The following IL2RA variants were observed in gnomAD, a reference collection of about 807,000 sequenced individuals.
IL2RA encodes the protein interleukin-2 receptor subunit alpha.
Under a neutral mutation model 37.8 loss-of-function variants are expected in IL2RA, and 24 were observed. That is an observed-to-expected ratio of 0.63 (90% confidence interval 0.46 to 0.89). The LOEUF is 0.89. Ranked by LOEUF, IL2RA falls within the 40% of genes least tolerant of loss-of-function variation. The pLI, the probability that IL2RA is intolerant of heterozygous loss-of-function variation, is 0.00. For missense variants in IL2RA, 319 were observed against 348.6 expected (o/e 0.92, Z 0.68); for synonymous variants, 125 against 114.6 (o/e 1.09, Z -0.58).
rs1015336266 is a variant in IL2RA at position 6,056,032 on chromosome 10, C to G, written c.64+6056G>C. On this transcript the variant is annotated intron_variant, in intron 1 of 7. Transcript: ENST00000379959. This position sits in a 1 kb window ranked among gnomAD's most constrained non-coding sequence, Gnocchi z 5.0. ...TTTTGACAGAAGCAAACCACGGAGT[C>G]GCCTTGAGATCAGTCAAAACACTGA... is the stretch of plus-strand genomic sequence containing the variant. Among the ~76,000 whole-genome samples, 2 of 152,194 alleles carry G rather than the reference C, an allele frequency of 1.3e-5. No individual in the cohort carries two copies. Among genetic ancestry groups the G allele is most frequent in the African/African-American group, 4.8e-5 (2 of 41,422 alleles).
intron 1 of IL2RA, among the ~76,000 whole-genome samples, chr10:6,026,455 G>A (rs1015063815): frequency 1.3e-5 from 2 of 152,178 alleles, no homozygotes; most frequent in African/African-American, 2.4e-5. Flanking sequence ...ATTAATGACT[G>A]TGCGCCATTT....
chr10:6,024,152 G>A (rs1484444683), intron 3 of IL2RA, 92 bp downstream of exon 3: 20 of 837,122 alleles, frequency 2.4e-5, no homozygotes, highest in Admixed American at 1.9e-5. Context: ...ATAGAAGGCA[G>A]GGCAGACCTT....
chr10:6,029,998 C>G lies in IL2RA; in HGVS notation c.65-3973G>C, dbSNP rs1266405474. ...GGGATTACAGGTGTGAGCCACCGTG[C>G]CCAGCCAATATTTTTAAACATAAAA... On this transcript the variant is annotated intron_variant, in intron 1 of 7. Transcript: ENST00000379959. This position sits in a 1 kb window ranked among gnomAD's most constrained non-coding sequence, Gnocchi z 4.6. 6.6e-6 allele frequency among the ~76,000 whole-genome samples: 1 copy of G among 152,178 alleles called. No individual in the cohort carries two copies. Among genetic ancestry groups the G allele is most frequent in the Non-Finnish European group, 1.5e-5 (1 of 68,042 alleles).
In IL2RA at chr10:6,035,359, G is replaced by A. The variant is rs146807560; in HGVS notation, c.65-9334C>T. Reference sequence around the variant, plus strand: ...AGTAGGCTCTGAGTGGGTGACTGGCGCCAGGCCAAGTTCTAGGTGGGCTTC... The same window carrying A: ...AGTAGGCTCTGAGTGGGTGACTGGCACCAGGCCAAGTTCTAGGTGGGCTTC... On this transcript the variant is annotated intron_variant, in intron 1 of 7. Coordinates refer to ENST00000379959, the MANE Select transcript of IL2RA (RefSeq NM_000417.3). This position sits in a 1 kb window ranked among gnomAD's most constrained non-coding sequence, Gnocchi z 5.4. Among the ~76,000 whole-genome samples, 120 of 152,290 alleles carry A rather than the reference G, an allele frequency of 7.9e-4. No homozygotes were observed. The highest frequency in any genetic ancestry group is 2.5e-3 in the African/African-American group (104 of 41,576).
At chr10:6,017,965 A>C in intron 7 of IL2RA, 88 bp downstream of exon 7, 1 of 955,910 alleles carries the variant, frequency 1.0e-6, no homozygotes, top group Non-Finnish European at 1.7e-6. Context: ...GATTAGAGAG[A>C]GCATGGAGGG....
chr10:6,051,960 C>A (rs377340011), intron 1 of IL2RA, among the ~76,000 whole-genome samples: 2 of 150,684 alleles, frequency 1.3e-5, no homozygotes, highest in South Asian at 4.2e-4. Flanking sequence ...GATTGGAGAA[C>A]GGTTCACATG....
chr10:6,030,328 G>C (rs1449217272), intron 1 of IL2RA, among the ~76,000 whole-genome samples: 2 of 152,112 alleles, frequency 1.3e-5, no homozygotes, highest in Non-Finnish European at 2.9e-5. Flanking sequence ...ATAAAGAAAA[G>C]CCCATCTATA....
chr10:6,016,527 A>AC (rs58929841), intron 7 of IL2RA, among the ~76,000 whole-genome samples: 128,226 of 152,006 alleles, frequency 0.84, 54,212 homozygotes, highest in Middle Eastern at 0.92. Flanking sequence ...TCTTGGGCTC[A>AC]CCCCAGACAT....
At chr10:6,023,245 T>A (rs962454362) in intron 3 of IL2RA, among the ~76,000 whole-genome samples, 4 of 152,200 alleles carry the variant, frequency 2.6e-5, no homozygotes, top group Non-Finnish European at 5.9e-5. Flanking sequence ...GGTTGTAAAA[T>A]CAGCAAAGGG....
At chr10:6,042,987 T>A (rs946702927) in intron 1 of IL2RA, among the ~76,000 whole-genome samples, 2 of 152,218 alleles carry the variant, frequency 1.3e-5, no homozygotes, top group Non-Finnish European at 2.9e-5. Flanking sequence ...GCTGTCCATG[T>A]TCTAGGATCA....
At chr10:6,041,116 CTTTT>C (rs34852465) in intron 1 of IL2RA, among the ~76,000 whole-genome samples, 1 of 126,474 alleles carries the variant, frequency 7.9e-6, no homozygotes, top group Admixed American at 8.2e-5. Flanking sequence ...TGAGTTAATT[CTTTT>C]TTTTTTTTTT....
rs796910551 is a variant in IL2RA, at chr10:6,015,100, CT to C, written c.795-2205del. ...TCTTTCTTTTCTTTTTTCTTTCTTT[CT>C]TTTTTTTTTTAAACAGAGTCTTGCT... On this transcript the variant is annotated intron_variant, in intron 7 of 7. Transcript: ENST00000379959. This position sits in a 1 kb window ranked among gnomAD's most constrained non-coding sequence, Gnocchi z 4.9. Among the ~76,000 whole-genome samples, 946 of 144,798 alleles carry C rather than the reference CT, an allele frequency of 6.5e-3. 8 individuals are homozygous for C. The highest frequency in any genetic ancestry group is 0.021 in the African/African-American group (817 of 39,386). 95.0% of individuals were successfully genotyped at this position (144,798 alleles called of 152,430 possible).
chr10:6,059,573 A>G (rs1368404133), intron 1 of IL2RA, among the ~76,000 whole-genome samples: 2 of 152,226 alleles, frequency 1.3e-5, no homozygotes, highest in Non-Finnish European at 2.9e-5. Context: ...CCAGCAATAT[A>G]CAGACTAAAA....
At position 6,018,208 on chromosome 10, in the gene IL2RA, TC is replaced by T. The variant is rs3215754; in HGVS notation, c.728-90del. 0.017 allele frequency: 17,130 copies of T among 985,688 alleles called. 919 individuals are homozygous for T. Among genetic ancestry groups the T allele is most frequent in the East Asian group, 0.15 (6,023 of 40,796 alleles). 61.1% of individuals were successfully genotyped at this position (985,688 alleles called of 1,614,324 possible). Reference sequence around the variant, plus strand: ...AGGGCCACAGGGCAGGCTGAGGACATCCCCAAAGAGCAAGGCGGAGGCTGCA... The same window carrying T: ...AGGGCCACAGGGCAGGCTGAGGACATCCCAAAGAGCAAGGCGGAGGCTGCA... On this transcript the variant is annotated intron_variant, in intron 6 of 7. Transcript: ENST00000379959. This position sits in a 1 kb window ranked among gnomAD's most constrained non-coding sequence, Gnocchi z 5.1.
Position 6,014,984 on chromosome 10 carries a change from G to C in IL2RA, c.795-2088C>G, listed in dbSNP as rs1038607758. On this transcript the variant is annotated intron_variant, in intron 7 of 7. Coordinates refer to ENST00000379959, the MANE Select transcript of IL2RA (RefSeq NM_000417.3). The surrounding 1 kb of genome is among the most constrained non-coding windows in gnomAD (Gnocchi z 4.4). ...GTCTTACTGTGGAGTTTGTATCAGG[G>C]TTGGCCAGAGTGGATGCTGGCAGGG... Among the ~76,000 whole-genome samples, 2 of 152,152 alleles carry C rather than the reference G, an allele frequency of 1.3e-5. No individual in the cohort carries two copies. Among genetic ancestry groups the C allele is most frequent in the Non-Finnish European group, 2.9e-5 (2 of 68,032 alleles).
chr10:6,038,400 A>G (rs1436164202), intron 1 of IL2RA, among the ~76,000 whole-genome samples: 1 of 152,238 alleles, frequency 6.6e-6, no homozygotes, highest in Non-Finnish European at 1.5e-5. Context: ...ATATAATAAT[A>G]ACTATGATGT....
intron 1 of IL2RA, among the ~76,000 whole-genome samples, chr10:6,055,739 G>GC (rs1840032902): frequency 3.1e-5 from 1 of 32,292 alleles, no homozygotes; most frequent in African/African-American, 5.5e-5. Flanking sequence ...AGACGGGGTG[G>GC]TGGCCGGGCA....
At chr10:6,045,649 C>T (rs1419375047) in intron 1 of IL2RA, among the ~76,000 whole-genome samples, 1 of 152,126 alleles carries the variant, frequency 6.6e-6, no homozygotes, top group Non-Finnish European at 1.5e-5. Context: ...AGCAGTTTTT[C>T]CTCAAATCTT....
intron 1 of IL2RA, among the ~76,000 whole-genome samples, chr10:6,060,102 T>TCTTC (rs1840101215): frequency 6.6e-6 from 1 of 152,168 alleles, no homozygotes; most frequent in Admixed American, 6.5e-5. Context: ...TTGAAATGTG[T>TCTTC]CTTCCAGAGG....
Sources: gnomAD v4.1 joint callset for allele counts (sites outside exome capture counted in the v4.1 genomes callset) on GRCh38, gnomAD v4.1.1 for gene constraint, Gnocchi (gnomAD v3.1) non-coding constraint, MANE v1.5 for transcripts, NCBI Gene and HGNC (gene_info 2026-07-23, HGNC 2026-07-21) for gene names.